Variants in SLIT2 observed in about 807,000 individuals in gnomAD.
SLIT2 encodes the protein slit guidance ligand 2.
In SLIT2, 41 loss-of-function variants were observed where a neutral mutation model predicts 185.7. The observed-to-expected ratio is 0.22, with a 90% CI of 0.17 to 0.29. The LOEUF is 0.29. SLIT2 is among the 10% of genes least tolerant of loss of function. The pLI, the probability that SLIT2 is intolerant of heterozygous loss-of-function variation, is 1.00. For missense variants in SLIT2, 1,571 were observed against 1,909.0 expected, an observed-to-expected ratio of 0.82 and a Z score of 3.30; for synonymous variants, 693 against 680.2, an observed-to-expected ratio of 1.02 and a Z score of -0.29.
intron 3 of SLIT2, 68 bp downstream of exon 3, chr4:20,258,007 C>T (rs1712029947): frequency 1.3e-6 from 1 of 777,126 alleles, no homozygotes; most frequent in Admixed American, 2.3e-5. Flanking sequence ...AAATTTCAAG[C>T]ATCATGTCTT....
chr4:20,403,362 G>A (rs375140673), intron 4 of SLIT2, among the ~76,000 whole-genome samples: 11 of 151,992 alleles, frequency 7.2e-5, no homozygotes, highest in African/African-American at 2.7e-4. Context: ...AGTTTTCACT[G>A]GAGACAGTGT....
Position 20,351,509 on chromosome 4 carries a change from T to G in SLIT2, c.395+82628T>G, listed in dbSNP as rs151235223. Among the ~76,000 whole-genome samples, 21 of 152,278 alleles carry G rather than the reference T, an allele frequency of 1.4e-4. No individual in the cohort carries two copies. The East Asian group carries it at 3.7e-3, about 27-fold the overall frequency. On this transcript the variant is annotated intron_variant, in intron 4 of 36. Transcript: ENST00000504154. ...GCAGTGGGCAAGAAGAACCCAACAC[T>G]TATATGAGAATTCCCACCCTGATTC...
chr4:20,461,456 T>C (rs1713701510), intron 4 of SLIT2, among the ~76,000 whole-genome samples: 4 of 152,214 alleles, frequency 2.6e-5, no homozygotes, highest in Admixed American at 2.6e-4. Flanking sequence ...TTTGTAAACC[T>C]TTATGACACT....
At chr4:20,417,447 T>TATATATATATATATATATATATAC (rs1385043138) in intron 4 of SLIT2, among the ~76,000 whole-genome samples, 1 of 145,220 alleles carries the variant, frequency 6.9e-6, no homozygotes, top group African/African-American at 2.5e-5. Flanking sequence ...TATATATATA[T>TATATATATATATATATATATATAC]ATATATATAT....
At chr4:20,284,728 C>T (rs1363560793) in intron 4 of SLIT2, among the ~76,000 whole-genome samples, 1 of 152,210 alleles carries the variant, frequency 6.6e-6, no homozygotes, top group Non-Finnish European at 1.5e-5. Flanking sequence ...GAAGAAAGGG[C>T]TGTCCTACAA....
At position 20,343,681 on chromosome 4, in the gene SLIT2, T is replaced by C. The variant is rs186535349; in HGVS notation, c.395+74800T>C. ...TGTGCTAAGCTAATTTTTATATTTA[T>C]TTTTTTGTAGAGACAAGATCTCACT... On this transcript the variant is annotated intron_variant, in intron 4 of 36. Transcript: ENST00000504154. 4.6e-5 allele frequency among the ~76,000 whole-genome samples: 7 copies of C among 151,868 alleles called. No homozygotes were observed. In the East Asian group the frequency reaches 1.4e-3, roughly 30 times the overall value.
intron 4 of SLIT2, among the ~76,000 whole-genome samples, chr4:20,432,896 C>T (rs1453953635): frequency 1.3e-5 from 2 of 152,028 alleles, no homozygotes; most frequent in East Asian, 1.9e-4. Context: ...GTTTTCACTG[C>T]GGTAGAATAT....
At chr4:20,550,684 G>T (rs1010236072) in intron 24 of SLIT2, 143 bp from the exon 25 acceptor site, 3 of 456,834 alleles carry the variant, frequency 6.6e-6, no homozygotes, top group Non-Finnish European at 1.2e-5. Flanking sequence ...CAGGTATCCA[G>T]TTGTACCAAA....
In SLIT2 at chr4:20,548,481, C is replaced by G. The variant is rs903811108; in HGVS notation, c.2346-7C>G. On this transcript the variant is annotated splice_region_variant and splice_polypyrimidine_tract_variant and intron_variant, in intron 22 of 36. Transcript: ENST00000504154. ...AATAGTGTACTCCATTTCTTTTTCT[C>G]TTTTAGAGACTTAAGTAACAACAGA... is the stretch of plus-strand genomic sequence containing the variant. 6.5e-7 allele frequency: 1 copy of G among 1,527,920 alleles called. No homozygotes were observed. Among genetic ancestry groups the G allele is most frequent in the South Asian group, 1.1e-5 (1 of 88,884 alleles). The allele number at this position is 1,527,920 out of a possible 1,614,324, so 94.6% of individuals were successfully genotyped here. A position where few individuals can be genotyped will look rare whatever the true frequency, so the allele number is the denominator to read the frequency against.
At chr4:20,562,110 A>G (rs1238701173) in intron 26 of SLIT2, among the ~76,000 whole-genome samples, 1 of 151,754 alleles carries the variant, frequency 6.6e-6, no homozygotes, top group Non-Finnish European at 1.5e-5. Flanking sequence ...TTACAATGCA[A>G]ATTTACAGGA....
In SLIT2 at chr4:20,252,017, C is replaced by CGGA. The variant is rs1722083576; in HGVS notation, c.-1796_-1794dup. Among the ~76,000 whole-genome samples, 1 of 152,100 alleles carries CGGA rather than the reference C, an allele frequency of 6.6e-6. No homozygotes were observed. The highest frequency in any genetic ancestry group is 2.1e-4 in the South Asian group (1 of 4,824). ...AAGAAGGCGGCGGCGGCGGCGGCGG[C>CGGA]GGAGGCGGAGGCAGCTGCGAGGCAT... is the stretch of plus-strand genomic sequence containing the variant. On this transcript the variant is annotated 5_prime_UTR_variant, in exon 1 of 37. Coordinates refer to ENST00000504154, the MANE Select transcript of SLIT2 (RefSeq NM_004787.4).
chr4:20,553,946 C>T lies in SLIT2; in HGVS notation c.2703C>T (p.Pro901=), dbSNP rs763388154. The change falls in exon 26 of 37, where the codon CCC becomes CCT. Residue 901 remains proline, a synonymous_variant. Coordinates refer to ENST00000504154, the MANE Select transcript of SLIT2 (RefSeq NM_004787.4). ...EMADKLLLTT[P]SKKFTCQGPV... ...CAGATAAACTTTTACTCACAACTCCCTCCAAAAAATTTACCTGTCAAGGTA... is the reference window on the plus strand; with the variant it reads ...CAGATAAACTTTTACTCACAACTCCTTCCAAAAAATTTACCTGTCAAGGTA... The T allele has an allele frequency of 3.1e-6, 5 of 1,600,492 alleles. No individual in the cohort carries two copies. The East Asian group carries it at 1.1e-4, about 36-fold the overall frequency.
intron 21 of SLIT2, among the ~76,000 whole-genome samples, chr4:20,543,303 G>A (rs191945520): frequency 9.9e-5 from 15 of 152,144 alleles, no homozygotes; most frequent in Admixed American, 9.2e-4. Context: ...TACACATCTC[G>A]ACCTTCTTCT....
Position 20,268,879 on chromosome 4 carries a change from G to C in SLIT2, c.393G>C (p.Arg131Ser). The C allele has an allele frequency of 1.9e-6, 3 of 1,573,812 alleles. No homozygotes were observed. Among genetic ancestry groups the C allele is most frequent in the Non-Finnish European group, 2.6e-6 (3 of 1,143,800 alleles). ...LLFLGTAKLY[R>S]LDLSENQIQA... Reference sequence around the variant, plus strand: ...TTCTTGGGACTGCGAAGCTATACAGGCTGTAAGTAGACACAAATAGTTATT... The same window carrying C: ...TTCTTGGGACTGCGAAGCTATACAGCCTGTAAGTAGACACAAATAGTTATT... The change falls in exon 4 of 37, where the codon AGG (arginine) becomes AGC (serine). Residue 131 changes from arginine (R) to serine (S), a missense_variant and splice_region_variant. Around this residue, in one of 3 missense-constraint regions of SLIT2, gnomAD observed 1,202 missense variants for 1,416.4 expected, o/e 0.85. Coordinates refer to ENST00000504154, the MANE Select transcript of SLIT2 (RefSeq NM_004787.4).
chr4:20,523,106 G>C (rs1006315422), intron 12 of SLIT2, among the ~76,000 whole-genome samples: 1 of 152,136 alleles, frequency 6.6e-6, no homozygotes, highest in Non-Finnish European at 1.5e-5. Context: ...GAGCAGGCTT[G>C]ACATCTGGGA....
intron 18 of SLIT2, among the ~76,000 whole-genome samples, chr4:20,538,902 T>C (rs1045475115): frequency 1.3e-5 from 2 of 152,118 alleles, no homozygotes; most frequent in Admixed American, 1.3e-4. Context: ...CTAATTTTCA[T>C]AAATAAAATT....
intron 4 of SLIT2, among the ~76,000 whole-genome samples, chr4:20,376,735 A>C (rs1724052567): frequency 6.6e-6 from 1 of 152,152 alleles, no homozygotes; most frequent in Non-Finnish European, 1.5e-5. Flanking sequence ...GACATGGATG[A>C]AGCTGGAAAC....
In SLIT2 at chr4:20,342,717, C is replaced by CTTTTT. The variant is rs11373611; in HGVS notation, c.395+73857_395+73861dup. Among the ~76,000 whole-genome samples the CTTTTT allele has an allele frequency of 1.1e-3, 78 of 69,680 alleles. 7 individuals are homozygous for CTTTTT. Among genetic ancestry groups the CTTTTT allele is most frequent in the African/African-American group, 1.3e-3 (22 of 17,052 alleles). 45.7% of individuals were successfully genotyped at this position (69,680 alleles called of 152,430 possible). ...ATTCTGCCATTCATCGACTATCGCACTTTTTTTTTTTTTTTTTTTTTTTTT... is the reference window on the plus strand; with the variant it reads ...ATTCTGCCATTCATCGACTATCGCACTTTTTTTTTTTTTTTTTTTTTTTTTTTTTT... On this transcript the variant is annotated intron_variant, in intron 4 of 36. Coordinates refer to ENST00000504154, the MANE Select transcript of SLIT2 (RefSeq NM_004787.4).
intron 11 of SLIT2, among the ~76,000 whole-genome samples, chr4:20,513,059 C>T (rs1719898066): frequency 1.3e-5 from 2 of 152,112 alleles, no homozygotes; most frequent in African/African-American, 4.8e-5. Flanking sequence ...TGTGTTGTCA[C>T]TCCTTTTGCT....
Sources: gnomAD v4.1 joint callset for allele counts (sites outside exome capture counted in the v4.1 genomes callset) on GRCh38, gnomAD v4.1.1 for gene constraint, gnomAD v4.1.1 regional missense constraint, MANE v1.5 for transcripts, NCBI Gene and HGNC (gene_info 2026-07-23, HGNC 2026-07-21) for gene names.